The following CEP112 variants were observed in gnomAD, a reference collection of about 807,000 sequenced individuals.
CEP112 encodes centrosomal protein 112.
Under a neutral mutation model 153.0 loss-of-function variants are expected in CEP112, and 127 were observed. The ratio of observed to expected loss-of-function variants is 0.83; its 90% CI spans 0.72 to 0.96. CEP112 has a LOEUF of 0.96. CEP112 is among the 40% of genes least tolerant of loss of function. The probability of loss-of-function intolerance (pLI) is 0.00; values close to 1 mark genes in which losing one functional copy is unlikely to be tolerated. For synonymous variants in CEP112, 358 were observed against 374.4 expected (o/e 0.96, Z 0.51); for missense variants, 1,089 against 1,101.2 (o/e 0.99, Z 0.16).
chr17:65,938,280 C>A (rs867189563), intron 18 of CEP112, among the ~76,000 whole-genome samples: 4 of 142,124 alleles, frequency 2.8e-5, no homozygotes, highest in Non-Finnish European at 6.1e-5. Context: ...ACAAACACTG[C>A]GAAAGCCCGC....
intron 21 of CEP112, among the ~76,000 whole-genome samples, chr17:65,821,656 A>G (rs8067924): frequency 0.29 from 42,008 of 146,728 alleles, 7,770 homozygotes; most frequent in Middle Eastern, 0.42. Context: ...GGTTCAAGCA[A>G]TTCTCCTCCC....
chr17:65,745,378 T>G (rs2051384847), intron 22 of CEP112, among the ~76,000 whole-genome samples: 1 of 152,214 alleles, frequency 6.6e-6, no homozygotes, highest in African/African-American at 2.4e-5. Flanking sequence ...ATCAATTCAA[T>G]TAATTCTCAT....
intron 18 of CEP112, among the ~76,000 whole-genome samples, chr17:65,932,158 C>A (rs1211443118): frequency 6.6e-6 from 1 of 152,164 alleles, no homozygotes; most frequent in Non-Finnish European, 1.5e-5. Flanking sequence ...ATATAACAGG[C>A]AGCAGCCCCT....
chr17:65,919,519 T>A (rs990469672), intron 19 of CEP112, among the ~76,000 whole-genome samples: 1 of 152,100 alleles, frequency 6.6e-6, no homozygotes. Flanking sequence ...ACTGAGAAAG[T>A]AGGCAAGAGT....
At chr17:65,932,034 C>T (rs2061143594) in intron 18 of CEP112, among the ~76,000 whole-genome samples, 1 of 152,188 alleles carries the variant, frequency 6.6e-6, no homozygotes, top group African/African-American at 2.4e-5. Flanking sequence ...CAGCCTGCAA[C>T]CCTGCCTAAT....
chr17:66,169,256 C>T (rs1395792227), intron 4 of CEP112, among the ~76,000 whole-genome samples: 1 of 148,816 alleles, frequency 6.7e-6, no homozygotes. Flanking sequence ...ACAGTATGTA[C>T]ATTATGAGCC....
chr17:65,681,965 TCAC>T (rs934533588), intron 24 of CEP112, among the ~76,000 whole-genome samples: 3 of 151,138 alleles, frequency 2.0e-5, no homozygotes, highest in Non-Finnish European at 4.4e-5. Flanking sequence ...CAGGCATGAG[TCAC>T]CACGCCAGGC....
chr17:65,844,599 C>T (rs999309857), intron 21 of CEP112, among the ~76,000 whole-genome samples: 10 of 151,260 alleles, frequency 6.6e-5, no homozygotes, highest in East Asian at 2.0e-4. Flanking sequence ...GCGGGAGAAT[C>T]GCTTGAACCC....
chr17:66,121,799 C>T (rs2069608317), intron 6 of CEP112, among the ~76,000 whole-genome samples: 1 of 151,840 alleles, frequency 6.6e-6, no homozygotes, highest in Non-Finnish European at 1.5e-5. Context: ...AGGTGCATGC[C>T]ACTGTGCCCA....
At chr17:65,656,487 C>G (rs2046070504) in intron 24 of CEP112, among the ~76,000 whole-genome samples, 1 of 152,108 alleles carries the variant, frequency 6.6e-6, no homozygotes, top group South Asian at 2.1e-4. Flanking sequence ...TCTGTTAGAC[C>G]AGGGGTCAAC....
intron 8 of CEP112, among the ~76,000 whole-genome samples, chr17:66,072,972 T>C (rs1007937153): frequency 6.6e-6 from 1 of 152,216 alleles, no homozygotes; most frequent in Non-Finnish European, 1.5e-5. Context: ...AATATAGATA[T>C]GTACCTATGT....
chr17:66,007,034 C>G (rs1044017809), intron 16 of CEP112, among the ~76,000 whole-genome samples: 3 of 152,196 alleles, frequency 2.0e-5, no homozygotes, highest in African/African-American at 7.2e-5. Context: ...AACTCAAACC[C>G]TATCTTTAAC....
chr17:65,975,844 AAAAG>A (rs2063014103), intron 17 of CEP112, among the ~76,000 whole-genome samples: 1 of 152,242 alleles, frequency 6.6e-6, no homozygotes, highest in Non-Finnish European at 1.5e-5. Flanking sequence ...TAACATGTGG[AAAAG>A]AAAGGTGATT....
intron 21 of CEP112, among the ~76,000 whole-genome samples, chr17:65,756,008 G>A (rs2052235665): frequency 6.6e-6 from 1 of 152,178 alleles, no homozygotes; most frequent in Non-Finnish European, 1.5e-5. Context: ...GAGATCCCAA[G>A]TATACACAAG....
intron 20 of CEP112, among the ~76,000 whole-genome samples, chr17:65,899,483 TA>T (rs1568192030): frequency 6.6e-6 from 1 of 152,144 alleles, no homozygotes; most frequent in Non-Finnish European, 1.5e-5. Flanking sequence ...CATTGCTCTT[TA>T]AAACAGAAAT....
intron 6 of CEP112, among the ~76,000 whole-genome samples, chr17:66,120,979 C>T (rs1363872423): frequency 1.3e-5 from 2 of 152,102 alleles, no homozygotes; most frequent in Non-Finnish European, 2.9e-5. Flanking sequence ...TTGGTGCTTT[C>T]AAGATTTTCT....
intron 18 of CEP112, among the ~76,000 whole-genome samples, chr17:65,956,301 T>G (rs7219737): frequency 6.6e-6 from 1 of 151,752 alleles, no homozygotes; most frequent in Non-Finnish European, 1.5e-5. Flanking sequence ...TACTTGCACA[T>G]GCATGTTTAT....
chr17:65,737,836 A>T lies in CEP112; in HGVS notation c.2607+5232T>A, dbSNP rs148849859. The stretch of plus-strand genomic sequence containing the variant: ...ATCCTGGTTAATCTACTAAACTTAC[A>T]TGAGAAAGAAAGACTTCTTCAGGAA... On this transcript the variant is annotated intron_variant, in intron 23 of 26. Transcript: ENST00000535342. Among the ~76,000 whole-genome samples the T allele has an allele frequency of 6.0e-3, 918 of 152,358 alleles. 8 individuals carry two copies. The highest frequency in any genetic ancestry group is 0.01 in the Admixed American group (157 of 15,306).
chr17:65,817,628 A>G (rs1461356049), intron 21 of CEP112, among the ~76,000 whole-genome samples: 1 of 151,958 alleles, frequency 6.6e-6, no homozygotes, highest in African/African-American at 2.4e-5. Flanking sequence ...TTTTGGCTCT[A>G]TTCATTAGAT....
Sources: allele counts gnomAD v4.1 joint callset (sites outside exome capture counted in the v4.1 genomes callset), GRCh38; gene constraint gnomAD v4.1.1; transcripts MANE v1.5; gene names NCBI Gene and HGNC (gene_info 2026-07-23, HGNC 2026-07-21).